The following MBTPS1 variants were observed in gnomAD, a reference collection of about 807,000 sequenced individuals.
MBTPS1 encodes membrane-bound transcription factor site-1 protease.
Under a neutral mutation model 127.8 loss-of-function variants are expected in MBTPS1, and 94 were observed. The ratio of observed to expected loss-of-function variants is 0.74; its 90% CI spans 0.62 to 0.87. MBTPS1 has a LOEUF of 0.87. Among genes scored for constraint, MBTPS1 ranks in the 40% least tolerant of loss-of-function variants. The pLI, the probability that MBTPS1 is intolerant of heterozygous loss-of-function variation, is 0.00. For missense variants in MBTPS1, 1,636 were observed against 1,353.2 expected (o/e 1.21, Z -3.28); for synonymous variants, 632 against 509.4 (o/e 1.24, Z -3.24).
At chr16:84,108,284 A>G (rs993248935) in intron 1 of MBTPS1, among the ~76,000 whole-genome samples, 1 of 151,738 alleles carries the variant, frequency 6.6e-6, no homozygotes, top group African/African-American at 2.4e-5. Flanking sequence ...TCTTCTTTTT[A>G]GATGGAGTCT....
intron 15 of MBTPS1, 54 bp downstream of exon 15, chr16:84,068,285 A>G (rs2085718988): frequency 2.5e-6 from 3 of 1,208,642 alleles, no homozygotes; most frequent in South Asian, 2.4e-5. Flanking sequence ...GACATTTAAC[A>G]AACATCCAAA....
Position 84,101,682 on chromosome 16 carries a change from T to G in MBTPS1, c.102A>C (p.Pro34=). The G allele has an allele frequency of 1.2e-6, 2 of 1,614,170 alleles. No individual in the cohort carries two copies. Among genetic ancestry groups the G allele is most frequent in the Non-Finnish European group, 1.7e-6 (2 of 1,180,010 alleles). Reference sequence around the variant, plus strand: ...AAGTCAGGTGGGAACAGCCAGGGCATGGGGCCTTTTCAAAAGATTTCTTTT... The same window carrying G: ...AAGTCAGGTGGGAACAGCCAGGGCAGGGGGCCTTTTCAAAAGATTTCTTTT... The part of the protein sequence containing the change: ...RLEKKSFEKA[P]CPGCSHLTLK... Residue 34 remains proline, a synonymous_variant, in exon 2 of 23, where the codon CCA becomes CCC. Transcript: ENST00000343411.
At chr16:84,089,059 CA>C (rs1350576565) in intron 8 of MBTPS1, among the ~76,000 whole-genome samples, 1 of 152,222 alleles carries the variant, frequency 6.6e-6, no homozygotes, top group Non-Finnish European at 1.5e-5. Flanking sequence ...CAGCGTGTGA[CA>C]AAACAGTCCG....
Position 84,069,827 on chromosome 16 carries a change from G to T in MBTPS1, c.1955+39C>A, listed in dbSNP as rs367884945. ...AACAGTGGTGCCTCCTCCCACCACGGAGGCTGGGGAGGTGAAGTGCATCCT... is the reference window on the plus strand; with the variant it reads ...AACAGTGGTGCCTCCTCCCACCACGTAGGCTGGGGAGGTGAAGTGCATCCT... On this transcript the variant is annotated intron_variant, in intron 14 of 22. Transcript: ENST00000343411. 7 of 1,564,566 alleles carry T rather than the reference G, an allele frequency of 4.5e-6. No homozygotes were observed. In the South Asian group the frequency reaches 8.0e-5, roughly 18 times the overall value.
chr16:84,106,435 C>G (rs1389680029), intron 1 of MBTPS1, among the ~76,000 whole-genome samples: 1 of 152,158 alleles, frequency 6.6e-6, no homozygotes, highest in Non-Finnish European at 1.5e-5. Context: ...CTGAAGGATG[C>G]AGGAAGCTGG....
intron 9 of MBTPS1, among the ~76,000 whole-genome samples, chr16:84,085,553 C>A (rs569000192): frequency 4.3e-5 from 6 of 140,894 alleles, no homozygotes; most frequent in Non-Finnish European, 9.4e-5. Flanking sequence ...AGATCCTGTC[C>A]CCCTCAGCCC....
chr16:84,095,504 C>T, intron 4 of MBTPS1, 98 bp downstream of exon 4: 1 of 1,322,574 alleles, frequency 7.6e-7, no homozygotes, highest in Non-Finnish European at 1.1e-6. Flanking sequence ...CAGTCCCGAA[C>T]ATGGAATTCC....
intron 10 of MBTPS1, among the ~76,000 whole-genome samples, chr16:84,084,527 T>C (rs529368152): frequency 2.0e-5 from 3 of 152,380 alleles, no homozygotes; most frequent in East Asian, 1.9e-4. Context: ...CATAACATCA[T>C]GTTGTATATC....
Position 84,093,301 on chromosome 16 carries a change from C to A in MBTPS1, c.737-4G>T. The A allele has an allele frequency of 6.3e-7, 1 of 1,591,746 alleles. No homozygotes were observed. The highest frequency in any genetic ancestry group is 8.6e-7 in the Non-Finnish European group (1 of 1,159,508). On this transcript the variant is annotated splice_region_variant and splice_polypyrimidine_tract_variant and intron_variant, in intron 5 of 22. Transcript: ENST00000343411. ...ACGAATGTGCCATGGCCCAACCCTG[C>A]AGTCCATAAAGAAAACAATCCCATA...
At chr16:84,065,660 A>G (rs1396982334) in intron 18 of MBTPS1, 30 bp downstream of exon 18, 1 of 1,467,478 alleles carries the variant, frequency 6.8e-7, no homozygotes, top group African/African-American at 1.4e-5. Context: ...AGAAAGAAGA[A>G]GCAAAAGGCC....
chr16:84,087,929 A>G (rs753201914), intron 8 of MBTPS1, among the ~76,000 whole-genome samples: 1 of 152,176 alleles, frequency 6.6e-6, no homozygotes, highest in South Asian at 2.1e-4. Flanking sequence ...ACACATTTAC[A>G]TCTGCCAAGG....
intron 11 of MBTPS1, among the ~76,000 whole-genome samples, chr16:84,081,228 A>C (rs2085935516): frequency 6.6e-6 from 1 of 152,248 alleles, no homozygotes; most frequent in East Asian, 1.9e-4. Flanking sequence ...TTTGCTGTAA[A>C]TCTAAAATCA....
In MBTPS1 at chr16:84,060,782, C is replaced by A; in HGVS notation, c.2604G>T (p.Gln868His). Residue 868 changes from glutamine (Q) to histidine (H), a missense_variant, in exon 20 of 23, where the codon CAG becomes CAT. Physicochemically the swap from Gln to His is conservative, Grantham distance 24 (BLOSUM62 0). Coordinates refer to ENST00000343411, the MANE Select transcript of MBTPS1 (RefSeq NM_003791.4). The part of the protein sequence containing the change: ...DCFWLLDALL[Q>H]YTSYGVTPPS... ...GCGGTGTCACCCCATACGATGTGTA[C>A]TGGAGGAGGGCATCCAGAAGCCAAA... 1 of 1,599,260 alleles carries A rather than the reference C, an allele frequency of 6.3e-7. No homozygotes were observed. The highest frequency in any genetic ancestry group is 8.5e-7 in the Non-Finnish European group (1 of 1,172,864).
At chr16:84,100,669 A>G (rs1367193334) in intron 2 of MBTPS1, among the ~76,000 whole-genome samples, 1 of 151,358 alleles carries the variant, frequency 6.6e-6, no homozygotes, top group Non-Finnish European at 1.5e-5. Context: ...CAAGGCTGCA[A>G]TGAGCTGAGA....
At chr16:84,102,765 T>C (rs1203985625) in intron 1 of MBTPS1, among the ~76,000 whole-genome samples, 1 of 152,230 alleles carries the variant, frequency 6.6e-6, no homozygotes, top group Non-Finnish European at 1.5e-5. Flanking sequence ...AGCAAAGTAA[T>C]TTCCCTATCA....
At chr16:84,084,940 G>C (rs1159611737) in intron 10 of MBTPS1, 43 bp downstream of exon 10, 22 of 1,598,880 alleles carry the variant, frequency 1.4e-5, no homozygotes, top group Non-Finnish European at 1.9e-5. Flanking sequence ...GAGTGCTCCT[G>C]TCCTGACGTG....
intron 9 of MBTPS1, among the ~76,000 whole-genome samples, chr16:84,086,869 C>A (rs2086035612): frequency 6.6e-6 from 1 of 152,168 alleles, no homozygotes; most frequent in Non-Finnish European, 1.5e-5. Flanking sequence ...GAATTATTAA[C>A]TGTAGCAGTT....
chr16:84,091,665 A>G (rs8050801), intron 7 of MBTPS1, 67 bp downstream of exon 7: 155,035 of 1,045,516 alleles, frequency 0.15, 12,957 homozygotes, highest in East Asian at 0.32. Flanking sequence ...ACTAGATATG[A>G]TGCAAAGTTG....
rs1191684979 is a variant in MBTPS1, at chr16:84,060,723, G to T, written c.2663C>A (p.Pro888His). The T allele has an allele frequency of 1.2e-6, 2 of 1,613,578 alleles. No homozygotes were observed. The highest frequency in any genetic ancestry group is 2.7e-5 in the African/African-American group (2 of 74,926). ...AGTGACTGAGCCTGCTCCACTGGGA[G>T]GGCGCTGGCGGTTCCCAGAGTGACT... ...SLSHSGNRQR[P>H]PSGAGSVTPE... The change falls in exon 20 of 23, where the codon CCT (proline) becomes CAT (histidine). Residue 888 changes from proline to histidine, a missense_variant. Pro to His is a moderately conservative substitution (Grantham distance 77). Transcript: ENST00000343411.
Sources: gnomAD v4.1 joint callset for allele counts (sites outside exome capture counted in the v4.1 genomes callset) on GRCh38, gnomAD v4.1.1 for gene constraint, MANE v1.5 for transcripts, NCBI Gene and HGNC (gene_info 2026-07-23, HGNC 2026-07-21) for gene names.